The following ASIC2 variants were observed in gnomAD, a reference collection of about 807,000 sequenced individuals.
The protein encoded by ASIC2 is acid sensing ion channel subunit 2.
Under a neutral mutation model 57.3 loss-of-function variants are expected in ASIC2, and 25 were observed. That is an observed-to-expected ratio of 0.44 (90% CI 0.32 to 0.61). The LOEUF (loss-of-function observed/expected upper bound fraction) is 0.61, where lower values mean the gene tolerates loss of function less well. Ranked by LOEUF, ASIC2 falls within the 20% of genes least tolerant of loss-of-function variation. The pLI is 0.06. For missense variants in ASIC2, 641 were observed against 738.1 expected, an observed-to-expected ratio of 0.87 and a Z score of 1.52; for synonymous variants, 319 against 307.5, an observed-to-expected ratio of 1.04 and a Z score of -0.39.
At chr17:33,777,963 A>G (rs111951847) in intron 1 of ASIC2, among the ~76,000 whole-genome samples, 1 of 152,002 alleles carries the variant, frequency 6.6e-6, no homozygotes, top group East Asian at 1.9e-4. Flanking sequence ...CCTTATTTCC[A>G]CGATGGGCTG....
chr17:33,332,123 A>C (rs1305391807), intron 1 of ASIC2, among the ~76,000 whole-genome samples: 1 of 152,204 alleles, frequency 6.6e-6, no homozygotes, highest in Non-Finnish European at 1.5e-5. Flanking sequence ...TAGTTGACCA[A>C]GTGGTGCCTG....
chr17:33,876,399 G>A (rs1421471129), intron 1 of ASIC2, among the ~76,000 whole-genome samples: 4 of 152,140 alleles, frequency 2.6e-5, no homozygotes, highest in Non-Finnish European at 5.9e-5. Context: ...ACAAGACTTC[G>A]AAGATCCCTT....
intron 1 of ASIC2, among the ~76,000 whole-genome samples, chr17:33,425,380 T>A (rs1395214557): frequency 3.3e-5 from 5 of 152,220 alleles, no homozygotes; most frequent in Admixed American, 3.3e-4. Flanking sequence ...TGGCATATAG[T>A]CTCTGTAGAG....
chr17:33,627,922 C>T (rs947828648), intron 1 of ASIC2, among the ~76,000 whole-genome samples: 8 of 151,864 alleles, frequency 5.3e-5, no homozygotes, highest in African/African-American at 9.7e-5. Context: ...CCCAGCTACT[C>T]GGGAGGCTGA....
Position 34,087,400 on chromosome 17 carries a change from G to A in ASIC2, c.555+68578C>T, listed in dbSNP as rs375533240. 3.5e-3 allele frequency among the ~76,000 whole-genome samples: 538 copies of A among 152,194 alleles called. 4 individuals are homozygous for A. The highest frequency in any genetic ancestry group is 0.01 in the Middle Eastern group (3 of 294). On this transcript the variant is annotated intron_variant, in intron 1 of 9. Transcript: ENST00000359872. ...TCTTCTGGCTTGTAGAGTTTCTGCC[G>A]AGAGATCAGCTGTTAGTCTGATGGG...
chr17:33,608,521 A>G (rs1405908530), intron 1 of ASIC2, among the ~76,000 whole-genome samples: 2 of 151,970 alleles, frequency 1.3e-5, no homozygotes, highest in African/African-American at 2.4e-5. Flanking sequence ...GAGCCTCCAT[A>G]TCCTTATATG....
chr17:33,025,547 G>T (rs959733904), intron 5 of ASIC2, among the ~76,000 whole-genome samples: 2 of 152,038 alleles, frequency 1.3e-5, no homozygotes, highest in African/African-American at 2.4e-5. Context: ...GGGAGGTATT[G>T]CCAAGCTCCT....
At chr17:33,817,783 C>A (rs564930593) in intron 1 of ASIC2, among the ~76,000 whole-genome samples, 1 of 152,242 alleles carries the variant, frequency 6.6e-6, no homozygotes, top group African/African-American at 2.4e-5. Context: ...CAGGGCTCAG[C>A]AGGGACAGCT....
chr17:33,554,674 G>T (rs530988466), intron 1 of ASIC2, among the ~76,000 whole-genome samples: 1 of 152,136 alleles, frequency 6.6e-6, no homozygotes, highest in African/African-American at 2.4e-5. Context: ...AAGGGAGGTG[G>T]GTCTGAAAGG....
intron 1 of ASIC2, among the ~76,000 whole-genome samples, chr17:33,954,276 A>C (rs1433302950): frequency 6.6e-6 from 1 of 152,122 alleles, no homozygotes; most frequent in African/African-American, 2.4e-5. Flanking sequence ...TGTGCAGCAG[A>C]ATGTGGAAAG....
intron 1 of ASIC2, among the ~76,000 whole-genome samples, chr17:33,810,896 C>T (rs368516155): frequency 2.0e-5 from 3 of 150,566 alleles, no homozygotes; most frequent in African/African-American, 2.5e-5. Context: ...CACACACACA[C>T]GTGCATTCAC....
chr17:33,340,047 TG>T (rs1907666290), intron 1 of ASIC2, among the ~76,000 whole-genome samples: 1 of 152,210 alleles, frequency 6.6e-6, no homozygotes, highest in Non-Finnish European at 1.5e-5. Flanking sequence ...GCTTTGAAAG[TG>T]GGCTTTCTAG....
At chr17:33,890,547 A>C (rs1348500020) in intron 1 of ASIC2, among the ~76,000 whole-genome samples, 1 of 152,222 alleles carries the variant, frequency 6.6e-6, no homozygotes, top group Non-Finnish European at 1.5e-5. Flanking sequence ...GGCCCAGTGA[A>C]GGACTTGTCC....
intron 1 of ASIC2, chr17:33,794,206 G>C (rs950129027): frequency 3.3e-5 from 5 of 152,198 alleles, no homozygotes; most frequent in African/African-American, 1.2e-4. Context: ...CAGAGGGCAT[G>C]GTTTCTTGGG....
chr17:34,123,840 G>A (rs1352354637), intron 1 of ASIC2, among the ~76,000 whole-genome samples: 1 of 152,174 alleles, frequency 6.6e-6, no homozygotes, highest in East Asian at 1.9e-4. Flanking sequence ...CCAGCAGTTT[G>A]GGAAGTTGAG....
intron 1 of ASIC2, among the ~76,000 whole-genome samples, chr17:33,271,340 C>T (rs1371325934): frequency 6.6e-6 from 1 of 152,196 alleles, no homozygotes; most frequent in African/African-American, 2.4e-5. Flanking sequence ...GCCACTATTC[C>T]ACCATGACTT....
intron 1 of ASIC2, among the ~76,000 whole-genome samples, chr17:33,986,356 C>G (rs1355651956): frequency 6.6e-6 from 1 of 151,894 alleles, no homozygotes; most frequent in Non-Finnish European, 1.5e-5. Context: ...TCTCCAAAGG[C>G]TTTTCACTGC....
At chr17:33,847,539 T>C (rs1446844646) in intron 1 of ASIC2, among the ~76,000 whole-genome samples, 1 of 152,176 alleles carries the variant, frequency 6.6e-6, no homozygotes, top group South Asian at 2.1e-4. Context: ...CTGACCCTGC[T>C]CGCTGGGTAC....
At chr17:33,519,904 A>G (rs556849037) in intron 1 of ASIC2, among the ~76,000 whole-genome samples, 1 of 152,336 alleles carries the variant, frequency 6.6e-6, no homozygotes, top group Non-Finnish European at 1.5e-5. Context: ...GGCCACAGTT[A>G]ATCAGCACAT....
Sources: gnomAD v4.1 joint callset for allele counts (sites outside exome capture counted in the v4.1 genomes callset) on GRCh38, gnomAD v4.1.1 for gene constraint, MANE v1.5 for transcripts, NCBI Gene and HGNC (gene_info 2026-07-23, HGNC 2026-07-21) for gene names.